CHCHD7: variants seen among roughly 807,000 people sequenced by gnomAD.
The protein encoded by CHCHD7 is coiled-coil-helix-coiled-coil-helix domain-containing protein 7.
Under a neutral mutation model 10.5 loss-of-function variants are expected in CHCHD7, and 7 were observed. The observed-to-expected ratio is 0.67, with a 90% CI of 0.38 to 1.25. The LOEUF (loss-of-function observed/expected upper bound fraction) is 1.25. Ranked by LOEUF, CHCHD7 falls within the 50% of genes most tolerant of loss-of-function variation. CHCHD7 has a pLI of 0.02. For missense variants in CHCHD7, 100 were observed against 104.5 expected, an observed-to-expected ratio of 0.96 and a Z score of 0.19; for synonymous variants, 40 against 36.0, an observed-to-expected ratio of 1.11 and a Z score of -0.40.
chr8:56,212,951 A>G, intron 1 of CHCHD7: 1 of 1,246,398 alleles, frequency 8.0e-7, no homozygotes, highest in Non-Finnish European at 1.2e-6. Flanking sequence ...TAAAATATAG[A>G]GTAGGATACT....
At chr8:56,215,689 C>T (rs1813309184) in intron 2 of CHCHD7, 2 of 152,206 alleles carry the variant, frequency 1.3e-5, no homozygotes, top group African/African-American at 4.8e-5. Context: ...AAGACCAGTA[C>T]CACTTTGTGG....
In CHCHD7 at chr8:56,217,530, A is replaced by C; in HGVS notation, c.*95A>C. The C allele has an allele frequency of 1.3e-6, 1 of 747,132 alleles. No individual in the cohort carries two copies. Among genetic ancestry groups the C allele is most frequent in the Non-Finnish European group, 2.2e-6 (1 of 452,348 alleles). 46.3% of individuals were successfully genotyped at this position (747,132 alleles called of 1,614,324 possible). On this transcript the variant is annotated 3_prime_UTR_variant, in exon 4 of 4. Coordinates refer to ENST00000355315, the MANE Select transcript of CHCHD7 (RefSeq NM_001011671.3). Reference sequence around the variant, plus strand: ...ATTTAAGACTGTACACCCCTCACCCAGACAGACCTTAAGTTCTTCAAGTGG... The same window carrying C: ...ATTTAAGACTGTACACCCCTCACCCCGACAGACCTTAAGTTCTTCAAGTGG...
In CHCHD7 at chr8:56,217,471, C is replaced by A. The variant is rs763552045; in HGVS notation, c.*36C>A. On this transcript the variant is annotated 3_prime_UTR_variant, in exon 4 of 4. Coordinates refer to ENST00000355315, the MANE Select transcript of CHCHD7 (RefSeq NM_001011671.3). ...TAAAAGTGTTTATATAACTTAGAAG[C>A]AGATGAATATTTCTAATAAATGATT... is the stretch of plus-strand genomic sequence containing the variant. The A allele has an allele frequency of 7.6e-6, 9 of 1,187,822 alleles. No homozygotes were observed. The highest frequency in any genetic ancestry group is 1.1e-5 in the Non-Finnish European group (9 of 795,732). 73.6% of individuals were successfully genotyped at this position (1,187,822 alleles called of 1,614,324 possible). A position where few individuals can be genotyped will look rare whatever the true frequency, so the allele number is the denominator to read the frequency against.
At chr8:56,217,027 C>T (rs1170151427) in intron 3 of CHCHD7, 9 of 418,496 alleles carry the variant, frequency 2.2e-5, no homozygotes, top group South Asian at 1.9e-4. Flanking sequence ...GGTTTTATTT[C>T]ACGATTATTC....
intron 2 of CHCHD7, chr8:56,215,386 C>G (rs1035347360): frequency 6.6e-6 from 1 of 152,132 alleles, no homozygotes; most frequent in Non-Finnish European, 1.5e-5. Context: ...ATCTGTGTTC[C>G]CCAACCTTTT....
intron 1 of CHCHD7, chr8:56,212,938 C>G: frequency 7.1e-7 from 1 of 1,409,646 alleles, no homozygotes; most frequent in Non-Finnish European, 1.0e-6. Context: ...TTCTGACTGA[C>G]AATAAAATAT....
chr8:56,212,656 T>G (rs1813074868), intron 1 of CHCHD7: 1 of 557,868 alleles, frequency 1.8e-6, no homozygotes, highest in Admixed American at 3.2e-5. Flanking sequence ...TAACATTTAT[T>G]TAGTACATTC....
intron 1 of CHCHD7, chr8:56,213,732 A>G (rs1813170900): frequency 6.6e-6 from 1 of 152,264 alleles, no homozygotes; most frequent in Admixed American, 6.5e-5. Context: ...CCTGCAACGC[A>G]GGGAAATAGT....
In CHCHD7 at chr8:56,217,741, A is replaced by G; in HGVS notation, c.*306A>G. On this transcript the variant is annotated 3_prime_UTR_variant, in exon 4 of 4. Coordinates refer to ENST00000355315, the MANE Select transcript of CHCHD7 (RefSeq NM_001011671.3). ...AGAAGAGTATGATGTGAACAAGTAA[A>G]GACTGAATGGGGCTGAGATGAAGGC... 1 of 284,472 alleles carries G rather than the reference A, an allele frequency of 3.5e-6. No homozygotes were observed. The highest frequency in any genetic ancestry group is 6.7e-6 in the Non-Finnish European group (1 of 149,608). 17.6% of individuals were successfully genotyped at this position (284,472 alleles called of 1,614,324 possible).
chr8:56,212,815 G>A (rs370393524), intron 1 of CHCHD7: 8 of 1,449,264 alleles, frequency 5.5e-6, no homozygotes, highest in Non-Finnish European at 7.8e-6. Context: ...TCCAAACTTA[G>A]AGTGCCTTGT....
At chr8:56,216,695 G>A (rs747797598) in intron 3 of CHCHD7, 164 bp downstream of exon 3, 1 of 784,190 alleles carries the variant, frequency 1.3e-6, no homozygotes, top group South Asian at 1.5e-5. Flanking sequence ...AAAGATCCTT[G>A]AGAGCTCTTG....
intron 1 of CHCHD7, chr8:56,212,828 T>C (rs775505533): frequency 1.3e-6 from 2 of 1,576,782 alleles, no homozygotes; most frequent in South Asian, 2.2e-5. Context: ...TGCCTTGTAT[T>C]TAGAATCCGG....
chr8:56,217,539 T>G lies in CHCHD7; in HGVS notation c.*104T>G. On this transcript the variant is annotated 3_prime_UTR_variant, in exon 4 of 4. Coordinates refer to ENST00000355315, the MANE Select transcript of CHCHD7 (RefSeq NM_001011671.3). ...TGTACACCCCTCACCCAGACAGACC[T>G]TAAGTTCTTCAAGTGGAGACAGTGA... 1.4e-6 allele frequency: 1 copy of G among 694,236 alleles called. No homozygotes were observed. The highest frequency in any genetic ancestry group is 2.4e-6 in the Non-Finnish European group (1 of 416,576). 43.0% of individuals were successfully genotyped at this position (694,236 alleles called of 1,614,324 possible).
chr8:56,218,224 TG>T lies in CHCHD7; in HGVS notation c.*792del. 4.4e-6 allele frequency: 1 copy of T among 227,884 alleles called. No individual in the cohort carries two copies. The highest frequency in any genetic ancestry group is 8.7e-6 in the Non-Finnish European group (1 of 114,790). 14.1% of individuals were successfully genotyped at this position (227,884 alleles called of 1,614,324 possible). A position where few individuals can be genotyped will look rare whatever the true frequency, so the allele number is the denominator to read the frequency against. ...TAAGATTTCTATTTGCAGGATGAGT[TG>T]GGCAGGGAAAAGGGTCAGGGTTCAT... On this transcript the variant is annotated 3_prime_UTR_variant, in exon 4 of 4. Transcript: ENST00000355315.
At chr8:56,216,324 T>C (rs1307596402) in intron 2 of CHCHD7, 109 bp from the exon 3 acceptor site, 3 of 1,503,774 alleles carry the variant, frequency 2.0e-6, no homozygotes, top group Non-Finnish European at 1.8e-6. Flanking sequence ...TGAACACAAA[T>C]GAACTATTTC....
At position 56,217,206 on chromosome 8, in the gene CHCHD7, TA is replaced by T. The variant is rs200960568; in HGVS notation, c.154-117del. 658 of 543,184 alleles carry T rather than the reference TA, an allele frequency of 1.2e-3. 1 individual carries two copies. The highest frequency in any genetic ancestry group is 9.8e-3 in the African/African-American group (500 of 51,092). The allele number at this position is 543,184 out of a possible 1,614,324, so 33.6% of individuals were successfully genotyped here. A position where few individuals can be genotyped will look rare whatever the true frequency, so the allele number is the denominator to read the frequency against. ...TAATTAGGTTTTGGGATTTTTTTTTTAAAAAAAACTTGGTTTTTAGAATTTC... is the reference window on the plus strand; with the variant it reads ...TAATTAGGTTTTGGGATTTTTTTTTTAAAAAAACTTGGTTTTTAGAATTTC... On this transcript the variant is annotated intron_variant, in intron 3 of 3. Transcript: ENST00000355315.
At chr8:56,214,559 C>T in intron 1 of CHCHD7, 39 bp from the exon 2 acceptor site, 3 of 1,487,384 alleles carry the variant, frequency 2.0e-6, no homozygotes, top group East Asian at 2.3e-5. Flanking sequence ...TATTTTCTGT[C>T]AACTACTGTA....
Position 56,216,428 on chromosome 8 carries a change from G to C in CHCHD7, c.55-5G>C. On this transcript the variant is annotated splice_polypyrimidine_tract_variant and splice_region_variant and intron_variant, in intron 2 of 3. Coordinates refer to ENST00000355315, the MANE Select transcript of CHCHD7 (RefSeq NM_001011671.3). ...TTTAAATGATGCCTCTCTTATATCT[G>C]TAAGGAATCTGATGCTTCCACCAGA... is the stretch of plus-strand genomic sequence containing the variant. 1 of 1,614,070 alleles carries C rather than the reference G, an allele frequency of 6.2e-7. No homozygotes were observed. The highest frequency in any genetic ancestry group is 8.5e-7 in the Non-Finnish European group (1 of 1,179,946).
intron 2 of CHCHD7, among the ~76,000 whole-genome samples, chr8:56,215,939 A>G (rs1813320430): frequency 6.6e-6 from 1 of 152,220 alleles, no homozygotes; most frequent in Non-Finnish European, 1.5e-5. Context: ...AAATGCATTG[A>G]GATGAATGGT....
Sources: gnomAD v4.1 joint callset for allele counts (sites outside exome capture counted in the v4.1 genomes callset) on GRCh38, gnomAD v4.1.1 for gene constraint, MANE v1.5 for transcripts, NCBI Gene and HGNC (gene_info 2026-07-23, HGNC 2026-07-21) for gene names.